PRKG1: variants seen among roughly 807,000 people sequenced by gnomAD.
The protein encoded by PRKG1 is protein kinase cGMP-dependent 1.
PRKG1 carries 35 observed loss-of-function variants against 88.1 expected under a neutral mutation model. The ratio of observed to expected loss-of-function variants is 0.40; its 90% confidence interval spans 0.30 to 0.53. The LOEUF is 0.53. Among genes scored for constraint, PRKG1 ranks in the 20% least tolerant of loss-of-function variants. PRKG1 has a pLI of 0.59. For missense variants in PRKG1, 540 were observed against 839.8 expected, an observed-to-expected ratio of 0.64 and a Z score of 4.41; for synonymous variants, 303 against 292.5, an observed-to-expected ratio of 1.04 and a Z score of -0.37.
intron 3 of PRKG1, among the ~76,000 whole-genome samples, chr10:51,708,143 A>T (rs1373025560): frequency 6.6e-6 from 1 of 152,122 alleles, no homozygotes. Flanking sequence ...GAAGTTCAAA[A>T]TCAAGGTGCA....
Position 51,913,765 on chromosome 10 carries a change from C to T in PRKG1, c.762+6195C>T, listed in dbSNP as rs568971388. 1.6e-4 allele frequency among the ~76,000 whole-genome samples: 24 copies of T among 152,134 alleles called. No individual in the cohort carries two copies. The South Asian group carries it at 3.5e-3, about 22-fold the overall frequency. On this transcript the variant is annotated intron_variant, in intron 5 of 17. Transcript: ENST00000373980. ...TACTTATCCCATATTTGACTCAAAT[C>T]GAGACAATAAATATTAGAGATTATT...
chr10:52,193,391 C>CAA (rs112891722), intron 9 of PRKG1, among the ~76,000 whole-genome samples: 1 of 150,652 alleles, frequency 6.6e-6, no homozygotes, highest in Non-Finnish European at 1.5e-5. Context: ...ACTAAAAATA[C>CAA]AAAAAAATTA....
At chr10:51,307,314 A>G (rs1401545387) in intron 2 of PRKG1, among the ~76,000 whole-genome samples, 1 of 152,078 alleles carries the variant, frequency 6.6e-6, no homozygotes, top group Non-Finnish European at 1.5e-5. Flanking sequence ...AAGTATTATT[A>G]TCTTAATTTT....
At chr10:51,392,131 A>G (rs1419129810) in intron 2 of PRKG1, among the ~76,000 whole-genome samples, 1 of 149,316 alleles carries the variant, frequency 6.7e-6, no homozygotes, top group Non-Finnish European at 1.5e-5. Context: ...TTTTTACATG[A>G]TGAATTTTTT....
intron 8 of PRKG1, among the ~76,000 whole-genome samples, chr10:52,134,239 T>G (rs1156601575): frequency 6.6e-6 from 1 of 152,196 alleles, no homozygotes; most frequent in Admixed American, 6.6e-5. Flanking sequence ...CAGGAGGTAC[T>G]CAACCAATGC....
intron 2 of PRKG1, among the ~76,000 whole-genome samples, chr10:51,164,979 A>G (rs1422695473): frequency 1.3e-5 from 2 of 152,222 alleles, no homozygotes; most frequent in East Asian, 3.9e-4. Context: ...ACTCTGCATG[A>G]TAGTATCCAG....
At chr10:52,026,976 A>T (rs895735909) in intron 5 of PRKG1, among the ~76,000 whole-genome samples, 3 of 152,140 alleles carry the variant, frequency 2.0e-5, no homozygotes, top group African/African-American at 7.2e-5. Flanking sequence ...GACTCCGTCA[A>T]AAAAACAATA....
At chr10:51,232,604 CTTG>C (rs1416614271) in intron 2 of PRKG1, among the ~76,000 whole-genome samples, 1 of 152,094 alleles carries the variant, frequency 6.6e-6, no homozygotes, top group African/African-American at 2.4e-5. Context: ...TGTTTTCTGT[CTTG>C]TTGTTCTTTG....
chr10:51,927,263 A>G, intron 5 of PRKG1, among the ~76,000 whole-genome samples: 1 of 152,022 alleles, frequency 6.6e-6, no homozygotes, highest in South Asian at 2.1e-4. Context: ...GTCTCACGAG[A>G]TCTGATGATT....
chr10:51,454,751 A>G (rs968624375), intron 2 of PRKG1, among the ~76,000 whole-genome samples: 1 of 152,180 alleles, frequency 6.6e-6, no homozygotes, highest in Non-Finnish European at 1.5e-5. Context: ...CCATGAGAAC[A>G]GTATGGGGAA....
chr10:52,065,211 A>G (rs934438160), intron 7 of PRKG1, among the ~76,000 whole-genome samples: 1 of 152,210 alleles, frequency 6.6e-6, no homozygotes, highest in African/African-American at 2.4e-5. Context: ...CTCAGTTATC[A>G]TTAAATATAG....
At chr10:51,715,972 C>A (rs1841875730) in intron 3 of PRKG1, among the ~76,000 whole-genome samples, 1 of 152,176 alleles carries the variant, frequency 6.6e-6, no homozygotes, top group African/African-American at 2.4e-5. Context: ...CCAAGCCGTT[C>A]TATATTCTCC....
At chr10:51,819,466 A>G (rs1356610277) in intron 4 of PRKG1, among the ~76,000 whole-genome samples, 2 of 152,154 alleles carry the variant, frequency 1.3e-5, no homozygotes, top group African/African-American at 4.8e-5. Flanking sequence ...AGCAAACTTC[A>G]TTATGTCCAT....
chr10:51,158,141 A>G (rs769537226), intron 2 of PRKG1, among the ~76,000 whole-genome samples: 2 of 151,906 alleles, frequency 1.3e-5, no homozygotes, highest in Non-Finnish European at 2.9e-5. Flanking sequence ...TTTGTTAATG[A>G]TAATAACTTT....
intron 3 of PRKG1, among the ~76,000 whole-genome samples, chr10:51,757,022 C>T (rs931278806): frequency 2.2e-4 from 33 of 152,048 alleles, no homozygotes; most frequent in Middle Eastern, 3.4e-3. Context: ...AGAAAAATGA[C>T]GTGGCTGGAC....
chr10:51,576,575 T>C (rs1837893131), intron 3 of PRKG1, among the ~76,000 whole-genome samples: 1 of 151,968 alleles, frequency 6.6e-6, no homozygotes. Flanking sequence ...TAAATCCTAA[T>C]AATGGGAATA....
At chr10:51,960,226 A>T (rs1843413791) in intron 5 of PRKG1, among the ~76,000 whole-genome samples, 1 of 151,836 alleles carries the variant, frequency 6.6e-6, no homozygotes, top group African/African-American at 2.4e-5. Context: ...CTTACTTTAG[A>T]ACCTCTGAAC....
chr10:51,188,602 T>C (rs1439045517), intron 2 of PRKG1, among the ~76,000 whole-genome samples: 1 of 151,966 alleles, frequency 6.6e-6, no homozygotes, highest in Non-Finnish European at 1.5e-5. Context: ...AGAAAACAAC[T>C]CGAGACACAG....
At chr10:51,821,362 C>T (rs1005685818) in intron 4 of PRKG1, among the ~76,000 whole-genome samples, 3 of 151,876 alleles carry the variant, frequency 2.0e-5, no homozygotes, top group Non-Finnish European at 4.4e-5. Flanking sequence ...TAAGTATATA[C>T]CTGAGAATAA....
Sources: gnomAD v4.1 joint callset for allele counts (sites outside exome capture counted in the v4.1 genomes callset) on GRCh38, gnomAD v4.1.1 for gene constraint, MANE v1.5 for transcripts, NCBI Gene and HGNC (gene_info 2026-07-23, HGNC 2026-07-21) for gene names.